PRKCB: variants seen among roughly 807,000 people sequenced by gnomAD.
The protein encoded by PRKCB is protein kinase C beta.
In PRKCB, 13 loss-of-function variants were observed where a neutral mutation model predicts 81.5. The ratio of observed to expected loss-of-function variants is 0.16; its 90% CI spans 0.10 to 0.25. The LOEUF (loss-of-function observed/expected upper bound fraction) is 0.25, where lower values mean the gene tolerates loss of function less well. Ranked by LOEUF, PRKCB falls within the 10% of genes least tolerant of loss-of-function variation. The pLI is 1.00. For missense variants in PRKCB, 509 were observed against 875.7 expected (o/e 0.58, Z 5.29); for synonymous variants, 335 against 321.4 (o/e 1.04, Z -0.45).
chr16:24,127,615 G>A (rs140917933), intron 9 of PRKCB, among the ~76,000 whole-genome samples: 2 of 151,878 alleles, frequency 1.3e-5, no homozygotes, highest in African/African-American at 4.9e-5. Flanking sequence ...AGAGTCCCAT[G>A]GAAAGGATTG....
chr16:23,937,460 G>T (rs907023225), intron 2 of PRKCB, among the ~76,000 whole-genome samples: 1 of 152,176 alleles, frequency 6.6e-6, no homozygotes, highest in Non-Finnish European at 1.5e-5. Context: ...ATAACATTTG[G>T]CTATCAACCT....
At chr16:23,982,784 C>T (rs1964755837) in intron 2 of PRKCB, among the ~76,000 whole-genome samples, 1 of 152,092 alleles carries the variant, frequency 6.6e-6, no homozygotes, top group Non-Finnish European at 1.5e-5. Context: ...GTGGATAGAG[C>T]CGGAGACATC....
intron 16 of PRKCB, among the ~76,000 whole-genome samples, chr16:24,210,502 C>CTT (rs34059803): frequency 6.3e-4 from 91 of 144,056 alleles, no homozygotes; most frequent in East Asian, 2.0e-3. Flanking sequence ...CTTTCTTCTT[C>CTT]TTTTTTTTTT....
intron 3 of PRKCB, among the ~76,000 whole-genome samples, chr16:24,016,465 G>A (rs985767119): frequency 1.3e-5 from 2 of 151,930 alleles, no homozygotes; most frequent in South Asian, 2.1e-4. Context: ...TAACATGGAT[G>A]GCAAATGTTG....
chr16:23,971,069 C>T (rs1024468597), intron 2 of PRKCB, among the ~76,000 whole-genome samples: 3 of 152,214 alleles, frequency 2.0e-5, no homozygotes, highest in African/African-American at 7.2e-5. Flanking sequence ...GTTACATATA[C>T]ATGAGATAAT....
chr16:24,035,492 C>A lies in PRKCB; in HGVS notation c.474C>A (p.Arg158=). 2 of 1,614,186 alleles carry A rather than the reference C, an allele frequency of 1.2e-6. No individual in the cohort carries two copies. The highest frequency in any genetic ancestry group is 2.2e-5 in the South Asian group (2 of 91,084). The change falls in exon 5 of 17, where the codon CGC becomes CGA. Residue 158 remains arginine, a synonymous_variant. Coordinates refer to ENST00000643927, the MANE Select transcript of PRKCB (RefSeq NM_002738.7). ...TGTGTGGCACGGACCACACGGAGCG[C>A]CGCGGCCGCATCTACATCCAGGCCC... The part of the protein sequence containing the change: ...PSLCGTDHTE[R]RGRIYIQAHI...
intron 2 of PRKCB, among the ~76,000 whole-genome samples, chr16:23,908,996 G>A (rs1006562460): frequency 6.6e-6 from 1 of 152,220 alleles, no homozygotes; most frequent in African/African-American, 2.4e-5. Flanking sequence ...CACACCCACT[G>A]GGACACCAGC....
chr16:24,119,566 AAAG>A (rs1160517379), intron 8 of PRKCB, among the ~76,000 whole-genome samples: 1 of 148,004 alleles, frequency 6.8e-6, no homozygotes, highest in East Asian at 2.0e-4. Context: ...GCCAGGATTC[AAAG>A]AAGGCAGGAC....
intron 9 of PRKCB, among the ~76,000 whole-genome samples, chr16:24,133,175 G>A (rs1191154085): frequency 6.6e-6 from 1 of 151,960 alleles, no homozygotes; most frequent in Non-Finnish European, 1.5e-5. Context: ...CCCAGGAGAT[G>A]GAGCAACAAA....
intron 3 of PRKCB, among the ~76,000 whole-genome samples, chr16:24,031,429 C>A (rs1347522963): frequency 1.3e-5 from 2 of 152,172 alleles, no homozygotes; most frequent in Admixed American, 6.5e-5. Flanking sequence ...AGGAAGTATG[C>A]ATTTCCATTT....
intron 10 of PRKCB, among the ~76,000 whole-genome samples, chr16:24,171,896 G>A (rs536689178): frequency 6.6e-5 from 10 of 152,090 alleles, no homozygotes; most frequent in South Asian, 4.2e-4. Flanking sequence ...ACCACGATTC[G>A]CTAATTTTTG....
At chr16:23,837,478 T>C in intron 2 of PRKCB, 72 bp downstream of exon 2, 1 of 1,552,524 alleles carries the variant, frequency 6.4e-7, no homozygotes, top group Admixed American at 2.0e-5. Flanking sequence ...AAGAAGTTAC[T>C]GAGTTAGGCA....
At chr16:24,127,552 A>T (rs764626032) in intron 9 of PRKCB, among the ~76,000 whole-genome samples, 3 of 151,624 alleles carry the variant, frequency 2.0e-5, no homozygotes, top group Non-Finnish European at 2.9e-5. Context: ...CCTGTTTTTG[A>T]TCACTTAACA....
rs749890233 is a variant in PRKCB, at chr16:24,220,059, A to C, written c.*5243A>C. On this transcript the variant is annotated 3_prime_UTR_variant, in exon 17 of 17. Transcript: ENST00000643927. ...AACTCTTCATCATGAACTTGGACCA[A>C]AATGAATTTGCTGGCTTCTCTTATA... The C allele has an allele frequency of 6.2e-7, 1 of 1,614,182 alleles. No individual in the cohort carries two copies. Among genetic ancestry groups the C allele is most frequent in the Non-Finnish European group, 8.5e-7 (1 of 1,180,008 alleles).
At chr16:24,014,962 A>G (rs898904820) in intron 3 of PRKCB, among the ~76,000 whole-genome samples, 2 of 152,070 alleles carry the variant, frequency 1.3e-5, no homozygotes, top group African/African-American at 4.8e-5. Flanking sequence ...ATGCCCAGCT[A>G]GCTAATTTTT....
In PRKCB at chr16:24,217,094, A is replaced by C; in HGVS notation, c.*2278A>C. The C allele has an allele frequency of 1.0e-6, 1 of 984,996 alleles. No homozygotes were observed. The highest frequency in any genetic ancestry group is 1.2e-6 in the Non-Finnish European group (1 of 829,668). 61.0% of individuals were successfully genotyped at this position (984,996 alleles called of 1,614,324 possible). A position where few individuals can be genotyped will look rare whatever the true frequency, so the allele number is the denominator to read the frequency against. ...TGTAGGATGAATGGAAAGAGAAAGA[A>C]AGGAAAGAAAGAAGAAAAAGAAAGA... On this transcript the variant is annotated 3_prime_UTR_variant, in exon 17 of 17. Transcript: ENST00000643927.
intron 2 of PRKCB, among the ~76,000 whole-genome samples, chr16:23,957,394 G>C (rs1964363946): frequency 6.6e-6 from 1 of 152,152 alleles, no homozygotes; most frequent in Non-Finnish European, 1.5e-5. Flanking sequence ...AAAGAAAAAG[G>C]GAAGGAAATG....
intron 15 of PRKCB, among the ~76,000 whole-genome samples, chr16:24,186,981 G>A (rs566709939): frequency 3.0e-4 from 45 of 151,830 alleles, no homozygotes; most frequent in Non-Finnish European, 5.3e-4. Flanking sequence ...TCCCAGAGGT[G>A]CATTAGGAAC....
intron 2 of PRKCB, among the ~76,000 whole-genome samples, chr16:23,897,974 C>T (rs998401483): frequency 1.3e-5 from 2 of 152,080 alleles, no homozygotes; most frequent in African/African-American, 4.8e-5. Context: ...TCTCGGCTCA[C>T]TGCAACCTCC....
Sources: gnomAD v4.1 joint callset for allele counts (sites outside exome capture counted in the v4.1 genomes callset) on GRCh38, gnomAD v4.1.1 for gene constraint, MANE v1.5 for transcripts, NCBI Gene and HGNC (gene_info 2026-07-23, HGNC 2026-07-21) for gene names.